PSTPIP1: variants seen among roughly 807,000 people sequenced by gnomAD.
PSTPIP1 encodes proline-serine-threonine phosphatase interacting protein 1.
PSTPIP1 carries 66 observed loss-of-function variants against 69.6 expected under a neutral mutation model. That is an observed-to-expected ratio of 0.95 (90% CI 0.78 to 1.16). The LOEUF is 1.16. PSTPIP1 is among the 50% of genes most tolerant of loss of function. The pLI, the probability that PSTPIP1 is intolerant of heterozygous loss-of-function variation, is 0.00. For missense variants in PSTPIP1, 603 were observed against 557.4 expected (o/e 1.08, Z -0.82); for synonymous variants, 266 against 222.7 (o/e 1.19, Z -1.73).
intron 1 of PSTPIP1, among the ~76,000 whole-genome samples, chr15:77,006,593 T>A (rs2469232): frequency 6.6e-6 from 1 of 151,960 alleles, no homozygotes; most frequent in Non-Finnish European, 1.5e-5. Flanking sequence ...TACATCTAGG[T>A]GTTCACTTCA....
chr15:77,021,379 C>T (rs1285529354), intron 3 of PSTPIP1, among the ~76,000 whole-genome samples: 3 of 152,216 alleles, frequency 2.0e-5, no homozygotes, highest in Admixed American at 6.5e-5. Flanking sequence ...TCCCCACCAG[C>T]GCTTTCAGTG....
At chr15:76,998,295 T>C (rs1230450878) in intron 1 of PSTPIP1, among the ~76,000 whole-genome samples, 1 of 152,182 alleles carries the variant, frequency 6.6e-6, no homozygotes, top group African/African-American at 2.4e-5. Flanking sequence ...CCCTCAGTTA[T>C]TGGGCAACCT....
At chr15:77,012,128 T>A (rs1328458741) in intron 1 of PSTPIP1, among the ~76,000 whole-genome samples, 1 of 109,462 alleles carries the variant, frequency 9.1e-6, no homozygotes, top group Non-Finnish European at 2.0e-5. Context: ...CATCCATCCA[T>A]CCATCCATCC....
At position 77,011,243 on chromosome 15, in the gene PSTPIP1, C is replaced by G. The variant is rs553762507; in HGVS notation, c.37-6905C>G. Reference sequence around the variant, plus strand: ...GGTCAGTATTGCTGAGGGCAGGTACCACACTCATGCACAGTGTGTCCTTGT... The same window carrying G: ...GGTCAGTATTGCTGAGGGCAGGTACGACACTCATGCACAGTGTGTCCTTGT... On this transcript the variant is annotated intron_variant, in intron 1 of 14. Transcript: ENST00000558012. 9.2e-5 allele frequency among the ~76,000 whole-genome samples: 14 copies of G among 152,342 alleles called. No individual in the cohort carries two copies. In the East Asian group the frequency reaches 2.7e-3, roughly 29 times the overall value.
upstream of PSTPIP1, chr15:76,994,776 G>T: frequency 7.8e-7 from 1 of 1,289,116 alleles, no homozygotes; most frequent in Non-Finnish European, 1.0e-6. Flanking sequence ...GGGTCCCAGA[G>T]CAGCCAGGGT....
At chr15:76,997,254 C>T (rs2075600380) in intron 1 of PSTPIP1, among the ~76,000 whole-genome samples, 1 of 152,268 alleles carries the variant, frequency 6.6e-6, no homozygotes, top group Non-Finnish European at 1.5e-5. Context: ...TGTCTGGCTC[C>T]CTGAGCCTGG....
chr15:77,036,139 G>C (rs952984929), intron 14 of PSTPIP1, among the ~76,000 whole-genome samples: 5 of 152,214 alleles, frequency 3.3e-5, no homozygotes, highest in African/African-American at 1.2e-4. Context: ...TGAGCTCTGA[G>C]AACAGCACCC....
chr15:77,019,605 CT>C (rs1293913625), intron 3 of PSTPIP1, among the ~76,000 whole-genome samples: 1 of 152,230 alleles, frequency 6.6e-6, no homozygotes, highest in African/African-American at 2.4e-5. Context: ...CCTTGGAGCT[CT>C]GGTCCCGGCT....
intron 1 of PSTPIP1, among the ~76,000 whole-genome samples, chr15:77,011,352 G>A (rs543245476): frequency 5.3e-5 from 8 of 152,312 alleles, no homozygotes; most frequent in Admixed American, 2.6e-4. Context: ...TGTCAGCCAC[G>A]GGCCTGTGGG....
chr15:77,026,988 G>C (rs895196187), intron 5 of PSTPIP1, among the ~76,000 whole-genome samples: 2 of 152,248 alleles, frequency 1.3e-5, no homozygotes, highest in Admixed American at 6.5e-5. Flanking sequence ...GTCTGAGCCT[G>C]TGTGTGTATG....
intron 1 of PSTPIP1, among the ~76,000 whole-genome samples, chr15:77,003,350 G>T (rs997625175): frequency 9.2e-5 from 14 of 152,180 alleles, no homozygotes; most frequent in Non-Finnish European, 1.9e-4. Flanking sequence ...GCTCTGGAAG[G>T]TTCCTCCCTC....
At chr15:76,994,777 C>A (rs570538447), upstream of PSTPIP1, 1 of 1,289,004 alleles carries the variant, frequency 7.8e-7, no homozygotes, top group Admixed American at 2.3e-5. Flanking sequence ...GGTCCCAGAG[C>A]AGCCAGGGTT....
intron 10 of PSTPIP1, among the ~76,000 whole-genome samples, chr15:77,032,033 T>A (rs551327464): frequency 1.3e-5 from 2 of 152,114 alleles, no homozygotes; most frequent in South Asian, 4.2e-4. Flanking sequence ...CTCCTCTGAG[T>A]TTCCTCATCT....
intron 12 of PSTPIP1, 104 bp downstream of exon 12, chr15:77,033,056 GTGTC>G (rs1335180274): frequency 5.0e-5 from 58 of 1,169,250 alleles, no homozygotes; most frequent in Non-Finnish European, 6.7e-5. Context: ...CACCTACTAT[GTGTC>G]TGTATCTGGT....
At chr15:77,022,440 G>A (rs1373469714) in intron 3 of PSTPIP1, among the ~76,000 whole-genome samples, 1 of 152,204 alleles carries the variant, frequency 6.6e-6, no homozygotes, top group Non-Finnish European at 1.5e-5. Flanking sequence ...ACACATGAAG[G>A]CACTGGTGAC....
At chr15:77,013,988 T>C (rs1370086152) in intron 1 of PSTPIP1, among the ~76,000 whole-genome samples, 1 of 151,816 alleles carries the variant, frequency 6.6e-6, no homozygotes, top group African/African-American at 2.4e-5. Context: ...TGAGGGAAGG[T>C]GTTTCTGGTC....
chr15:77,018,539 C>A lies in PSTPIP1; in HGVS notation c.212+8C>A, dbSNP rs367860544. On this transcript the variant is annotated splice_region_variant and intron_variant, in intron 3 of 14. Transcript: ENST00000558012. The stretch of plus-strand genomic sequence containing the variant: ...TGGCCAGACGGAGATCAAGTAAGAT[C>A]TCCCGGGCCCTGGGGCTCACTCCTC... 5.2e-6 allele frequency: 8 copies of A among 1,551,256 alleles called. No individual in the cohort carries two copies. The African/African-American group carries it at 1.1e-4, about 21-fold the overall frequency.
At chr15:77,002,233 A>G (rs1455944228) in intron 1 of PSTPIP1, among the ~76,000 whole-genome samples, 1 of 152,198 alleles carries the variant, frequency 6.6e-6, no homozygotes, top group Admixed American at 6.5e-5. Flanking sequence ...TGCAGGGTAG[A>G]GCAGGGACTC....
At chr15:77,028,208 C>G (rs951726718) in intron 6 of PSTPIP1, 30 of 518,790 alleles carry the variant, frequency 5.8e-5, no homozygotes, top group Admixed American at 9.9e-5. Context: ...GAGCTTGATC[C>G]TGCGAGACGC....
Sources: gnomAD v4.1 joint callset for allele counts (sites outside exome capture counted in the v4.1 genomes callset) on GRCh38, gnomAD v4.1.1 for gene constraint, MANE v1.5 for transcripts, NCBI Gene and HGNC (gene_info 2026-07-23, HGNC 2026-07-21) for gene names.